Variants in NLRP13 observed in about 807,000 individuals in gnomAD.
The protein encoded by NLRP13 is NACHT, LRR and PYD domains-containing protein 13.
NLRP13 carries 82 observed loss-of-function variants against 94.4 expected under a neutral mutation model. The ratio of observed to expected loss-of-function variants is 0.87; its 90% CI spans 0.73 to 1.04. The LOEUF is 1.04. NLRP13 is among the 50% of genes least tolerant of loss of function. The probability of loss-of-function intolerance (pLI) is 0.00; values close to 1 mark genes in which losing one functional copy is unlikely to be tolerated. For synonymous variants in NLRP13, 553 were observed against 464.7 expected, an observed-to-expected ratio of 1.19 and a Z score of -2.45; for missense variants, 1,426 against 1,230.8, an observed-to-expected ratio of 1.16 and a Z score of -2.37.
intron 10 of NLRP13, among the ~76,000 whole-genome samples, chr19:55,897,211 G>A (rs1986040633): frequency 6.6e-6 from 1 of 152,122 alleles, no homozygotes; most frequent in African/African-American, 2.4e-5. Context: ...ATCTCCACCT[G>A]AGTTCATAAA....
At chr19:55,925,649 C>T (rs775789105) in intron 1 of NLRP13, among the ~76,000 whole-genome samples, 1 of 152,150 alleles carries the variant, frequency 6.6e-6, no homozygotes, top group Non-Finnish European at 1.5e-5. Context: ...CTCTGAATGT[C>T]CCCTTCCTCA....
intron 4 of NLRP13, among the ~76,000 whole-genome samples, chr19:55,918,592 C>T (rs112649514): frequency 3.3e-5 from 5 of 151,978 alleles, no homozygotes; most frequent in Non-Finnish European, 5.9e-5. Flanking sequence ...CTACTATGGA[C>T]AACTCTATAC....
At chr19:55,903,743 C>A (rs908950348) in intron 8 of NLRP13, among the ~76,000 whole-genome samples, 1 of 152,066 alleles carries the variant, frequency 6.6e-6, no homozygotes, top group African/African-American at 2.4e-5. Flanking sequence ...CCTAAACCAC[C>A]TCGAATCCAT....
intron 6 of NLRP13, among the ~76,000 whole-genome samples, chr19:55,909,744 T>C (rs555530796): frequency 1.8e-4 from 27 of 152,178 alleles, no homozygotes; most frequent in South Asian, 1.2e-3. Flanking sequence ...CCAGAATTGG[T>C]AATAGAAGGC....
In NLRP13 at chr19:55,924,585, C is replaced by T; in HGVS notation, c.457+5G>A. 1.2e-6 allele frequency: 2 copies of T among 1,608,558 alleles called. No individual in the cohort carries two copies. The highest frequency in any genetic ancestry group is 1.7e-6 in the Non-Finnish European group (2 of 1,175,254). ...TGTCAATTATCAACCAAGTAATGTA[C>T]ACACCTGTTTCTTCTTCTAGCTCGT... On this transcript the variant is annotated splice_donor_5th_base_variant and intron_variant, in intron 3 of 10. Coordinates refer to ENST00000342929, the MANE Select transcript of NLRP13 (RefSeq NM_176810.2).
chr19:55,906,532 C>T (rs759372614), intron 7 of NLRP13, among the ~76,000 whole-genome samples: 3 of 152,064 alleles, frequency 2.0e-5, no homozygotes, highest in Non-Finnish European at 4.4e-5. Context: ...GCAAGACTTA[C>T]GACAGCTCCT....
intron 1 of NLRP13, among the ~76,000 whole-genome samples, chr19:55,931,709 C>CA (rs374591965): frequency 0.096 from 8,205 of 85,754 alleles, 483 homozygotes; most frequent in African/African-American, 0.12. Flanking sequence ...GACTCAGGCT[C>CA]AAAAAAAAAA....
At chr19:55,918,303 A>G (rs1206151547) in intron 4 of NLRP13, among the ~76,000 whole-genome samples, 2 of 151,860 alleles carry the variant, frequency 1.3e-5, no homozygotes, top group Non-Finnish European at 2.9e-5. Context: ...TTAAAAAAAA[A>G]TCACAAATTA....
At chr19:55,917,401 A>G (rs1986698916) in intron 4 of NLRP13, among the ~76,000 whole-genome samples, 1 of 152,144 alleles carries the variant, frequency 6.6e-6, no homozygotes, top group Non-Finnish European at 1.5e-5. Flanking sequence ...GGAAATCAAC[A>G]TTGTAACTGG....
rs1986564210 is a variant in NLRP13 at position 55,912,847 on chromosome 19, C to G, written c.970G>C (p.Glu324Gln). 1 of 1,614,070 alleles carries G rather than the reference C, an allele frequency of 6.2e-7. No homozygotes were observed. The highest frequency in any genetic ancestry group is 8.5e-7 in the Non-Finnish European group (1 of 1,180,048). The change falls in exon 5 of 11, where the codon GAG becomes CAG. Residue 324 changes from glutamate (E) to glutamine (Q), a missense_variant. Transcript: ENST00000342929. ...CATGGCGAGCCATCATCCAAGCTCTCAGAGCGTGACTCAGATATGATTATT... is the reference window on the plus strand; with the variant it reads ...CATGGCGAGCCATCATCCAAGCTCTGAGAGCGTGACTCAGATATGATTATT... Reference protein sequence around the residue: ...EEIIISESRSESLDDGSPCTD... With the variant: ...EEIIISESRSQSLDDGSPCTD...
intron 10 of NLRP13, among the ~76,000 whole-genome samples, chr19:55,897,765 A>G (rs530806859): frequency 6.6e-6 from 1 of 152,290 alleles, no homozygotes; most frequent in East Asian, 1.9e-4. Flanking sequence ...TATATAGTAG[A>G]TTTAACAATC....
chr19:55,922,331 T>TGGTTGTTTGTTTTTTC (rs1394398662), intron 4 of NLRP13, among the ~76,000 whole-genome samples: 6 of 152,020 alleles, frequency 3.9e-5, no homozygotes, highest in African/African-American at 1.4e-4. Flanking sequence ...TTTGTTTTTT[T>TGGTTGTTTGTTTTTTC]GTTTGTTTGT....
chr19:55,931,816 A>G (rs1442829001), intron 1 of NLRP13, among the ~76,000 whole-genome samples, 177 bp downstream of exon 1: 2 of 151,810 alleles, frequency 1.3e-5, no homozygotes, highest in African/African-American at 4.8e-5. Flanking sequence ...TTCCCAGGCT[A>G]GAGCACTAAA....
chr19:55,892,843 A>G (rs538065699), downstream of NLRP13, among the ~76,000 whole-genome samples: 2 of 152,292 alleles, frequency 1.3e-5, no homozygotes, highest in African/African-American at 2.4e-5. Flanking sequence ...AGCTGCGTCC[A>G]TGTTGCCACA....
chr19:55,919,497 T>C (rs1185444648), intron 4 of NLRP13, among the ~76,000 whole-genome samples: 1 of 152,048 alleles, frequency 6.6e-6, no homozygotes, highest in African/African-American at 2.4e-5. Flanking sequence ...CTAGATTTGA[T>C]AAATGAATTC....
intron 8 of NLRP13, among the ~76,000 whole-genome samples, chr19:55,904,668 T>A (rs992358120): frequency 6.6e-6 from 1 of 152,162 alleles, no homozygotes; most frequent in East Asian, 1.9e-4. Context: ...CCTTGTTCTA[T>A]CTCTGCTAGA....
At chr19:55,924,031 G>T in intron 3 of NLRP13, 52 bp from the exon 4 acceptor site, 1 of 1,424,622 alleles carries the variant, frequency 7.0e-7, no homozygotes, top group Non-Finnish European at 9.9e-7. Flanking sequence ...CTGAAAATGG[G>T]CCACAATGAT....
intron 6 of NLRP13, among the ~76,000 whole-genome samples, chr19:55,908,956 CTCTCA>C (rs1163974866): frequency 6.6e-6 from 1 of 152,196 alleles, no homozygotes; most frequent in Non-Finnish European, 1.5e-5. Flanking sequence ...CTCTGCCTGC[CTCTCA>C]TGAGTTTGGT....
At chr19:55,908,911 T>C (rs889698913) in intron 6 of NLRP13, among the ~76,000 whole-genome samples, 10 of 152,270 alleles carry the variant, frequency 6.6e-5, no homozygotes, top group Middle Eastern at 3.4e-3. Flanking sequence ...TGAACTTAAA[T>C]GTATTTTAAA....
Sources: allele counts gnomAD v4.1 joint callset (sites outside exome capture counted in the v4.1 genomes callset), GRCh38; gene constraint gnomAD v4.1.1; transcripts MANE v1.5; gene names NCBI Gene and HGNC (gene_info 2026-07-23, HGNC 2026-07-21).